ZFR2: variants seen among roughly 807,000 people sequenced by gnomAD.
ZFR2 encodes zinc finger RNA-binding protein 2.
A neutral mutation model predicts 105.7 loss-of-function variants in ZFR2; 104 were observed. That is an observed-to-expected ratio of 0.98 (90% CI 0.84 to 1.16). The LOEUF is 1.16. Among genes scored for constraint, ZFR2 ranks in the 50% most tolerant of loss-of-function variants. The pLI, the probability that ZFR2 is intolerant of heterozygous loss-of-function variation, is 0.00. For synonymous variants in ZFR2, 634 were observed against 597.7 expected (o/e 1.06, Z -0.89); for missense variants, 1,425 against 1,355.5 (o/e 1.05, Z -0.80).
In ZFR2 at chr19:3,868,862, C is replaced by G. The variant is rs1246387117; in HGVS notation, c.53+103G>C. On this transcript the variant is annotated intron_variant, in intron 1 of 18. Transcript: ENST00000262961. ...CCGGGGTTCCAGGTTGGGGCTGGGA[C>G]TGGGGCCGGGCCGGGCGCACGCGGC... The G allele has an allele frequency of 7.0e-6, 7 of 1,001,768 alleles. No individual in the cohort carries two copies. The East Asian group carries it at 1.0e-4, about 14-fold the overall frequency. The allele number at this position is 1,001,768 out of a possible 1,614,324, so 62.1% of individuals were successfully genotyped here.
At chr19:3,828,791 CT>C (rs1032437240) in intron 5 of ZFR2, among the ~76,000 whole-genome samples, 1 of 152,138 alleles carries the variant, frequency 6.6e-6, no homozygotes, top group Non-Finnish European at 1.5e-5. Flanking sequence ...ATTCTGCAGA[CT>C]GAAAAATGCC....
intron 3 of ZFR2, 39 bp downstream of exon 3, chr19:3,833,625 G>A (rs138218800): frequency 0.013 from 19,417 of 1,455,928 alleles, 269 homozygotes; most frequent in South Asian, 0.052. Context: ...TGCGGGGAGC[G>A]TCTCCTCGTT....
intron 11 of ZFR2, 42 bp downstream of exon 11, chr19:3,820,140 G>A (rs1463880429): frequency 1.3e-6 from 2 of 1,539,318 alleles, no homozygotes; most frequent in Non-Finnish European, 1.8e-6. Context: ...TCCGGGGAGT[G>A]TGAGGTCGCC....
chr19:3,840,959 G>A lies in ZFR2; in HGVS notation c.54-5976C>T, dbSNP rs111341709. On this transcript the variant is annotated intron_variant, in intron 1 of 18. Transcript: ENST00000262961. ...GGGGGCCAGCATGGATCTAGGTCAC[G>A]CCGGTCACTGCACAGATCACACACA... is the stretch of plus-strand genomic sequence containing the variant. Among the ~76,000 whole-genome samples the A allele has an allele frequency of 1.9e-3, 284 of 152,268 alleles. 1 individual carries two copies. The highest frequency in any genetic ancestry group is 6.6e-3 in the African/African-American group (274 of 41,534).
At chr19:3,866,926 C>T (rs934426752) in intron 1 of ZFR2, among the ~76,000 whole-genome samples, 2 of 152,294 alleles carry the variant, frequency 1.3e-5, no homozygotes, top group African/African-American at 4.8e-5. Flanking sequence ...AATACTCCAC[C>T]AGAGAAACCA....
At chr19:3,811,164 G>A (rs1398200887) in intron 15 of ZFR2, 108 bp downstream of exon 15, 35 of 1,117,150 alleles carry the variant, frequency 3.1e-5, no homozygotes, top group African/African-American at 6.4e-5. Context: ...CCCGGTCTGC[G>A]CTGGGAGCCC....
chr19:3,809,088 T>C lies in ZFR2; in HGVS notation c.2434-105A>G, dbSNP rs2037734752. On this transcript the variant is annotated intron_variant, in intron 16 of 18. Transcript: ENST00000262961. The stretch of plus-strand genomic sequence containing the variant: ...GGACAGGAGGCCCCCCTCAGCTCTT[T>C]CTCTAACTCCCACCACCCACTGAAC... 6.1e-6 allele frequency: 5 copies of C among 820,296 alleles called. No homozygotes were observed. In the East Asian group the frequency reaches 1.6e-4, roughly 26 times the overall value. The allele number at this position is 820,296 out of a possible 1,614,324, so 50.8% of individuals were successfully genotyped here. A position where few individuals can be genotyped will look rare whatever the true frequency, so the allele number is the denominator to read the frequency against.
chr19:3,856,271 C>T (rs147578289), intron 1 of ZFR2, among the ~76,000 whole-genome samples: 4 of 152,284 alleles, frequency 2.6e-5, no homozygotes, highest in Admixed American at 2.6e-4. Context: ...ATATGATCAG[C>T]CTGAGATGCC....
chr19:3,864,891 G>T (rs1006823726), intron 1 of ZFR2, among the ~76,000 whole-genome samples: 8 of 152,134 alleles, frequency 5.3e-5, no homozygotes, highest in African/African-American at 1.9e-4. Context: ...AGGATTACAG[G>T]CATGCGTCAC....
chr19:3,831,492 C>A lies in ZFR2; in HGVS notation c.663G>T (p.Ala221=). Residue 221 remains alanine (A), a synonymous_variant, in exon 5 of 19, where the codon GCG becomes GCT. Transcript: ENST00000262961. ...YSAASPFYPP[A]QPPPPPGPPQ... Reference sequence around the variant, plus strand: ...GGGGTCCCGGGGGAGGCGGGGGCTGCGCTGGAGGATAGAAAGGGCTGGCAG... The same window carrying A: ...GGGGTCCCGGGGGAGGCGGGGGCTGAGCTGGAGGATAGAAAGGGCTGGCAG... 1 of 1,550,994 alleles carries A rather than the reference C, an allele frequency of 6.4e-7. No individual in the cohort carries two copies. The highest frequency in any genetic ancestry group is 8.7e-7 in the Non-Finnish European group (1 of 1,147,746).
Position 3,805,248 on chromosome 19 carries a change from T to A in ZFR2, c.*701A>T, listed in dbSNP as rs950112129. On this transcript the variant is annotated 3_prime_UTR_variant, in exon 19 of 19. Transcript: ENST00000262961. ...CAGCAAGATGCCCCCGAGTTTAGAATCTGCTTGCTGTACTGCTGGCCCCCC... is the reference window on the plus strand; with the variant it reads ...CAGCAAGATGCCCCCGAGTTTAGAAACTGCTTGCTGTACTGCTGGCCCCCC... 2 of 152,230 alleles carry A rather than the reference T, an allele frequency of 1.3e-5. No individual in the cohort carries two copies. The highest frequency in any genetic ancestry group is 2.1e-4 in the South Asian group (1 of 4,828). 9.4% of individuals were successfully genotyped at this position (152,230 alleles called of 1,614,324 possible). A position where few individuals can be genotyped will look rare whatever the true frequency, so the allele number is the denominator to read the frequency against.
Position 3,805,607 on chromosome 19 carries a change from T to A in ZFR2, c.*342A>T, listed in dbSNP as rs940404215. On this transcript the variant is annotated 3_prime_UTR_variant, in exon 19 of 19. Transcript: ENST00000262961. ...CTCAGGCGATCTGCCCACCTCGGCCTCTCAAAGTGCTGGGATTACAGGCGT... is the reference window on the plus strand; with the variant it reads ...CTCAGGCGATCTGCCCACCTCGGCCACTCAAAGTGCTGGGATTACAGGCGT... 3 of 214,274 alleles carry A rather than the reference T, an allele frequency of 1.4e-5. No individual in the cohort carries two copies. Among genetic ancestry groups the A allele is most frequent in the Admixed American group, 1.1e-4 (2 of 17,824 alleles). The allele number at this position is 214,274 out of a possible 1,614,324, so 13.3% of individuals were successfully genotyped here.
intron 1 of ZFR2, among the ~76,000 whole-genome samples, chr19:3,842,333 A>C (rs1202974084): frequency 1.3e-5 from 2 of 152,152 alleles, no homozygotes; most frequent in African/African-American, 4.8e-5. Flanking sequence ...CTACCATAGC[A>C]ACGAGAGACC....
chr19:3,813,544 G>A lies in ZFR2; in HGVS notation c.2242+276C>T, dbSNP rs1357233459. On this transcript the variant is annotated intron_variant, in intron 14 of 18. Transcript: ENST00000262961. This position sits in a 1 kb window ranked among gnomAD's most constrained non-coding sequence, Gnocchi z 4.4. Reference sequence around the variant, plus strand: ...AAGCAGGTGCCAGCCCTGGGTAAGGGCAAGGGAGGTGACACGGTGTCGCTT... The same window carrying A: ...AAGCAGGTGCCAGCCCTGGGTAAGGACAAGGGAGGTGACACGGTGTCGCTT... Among the ~76,000 whole-genome samples, 1 of 152,010 alleles carries A rather than the reference G, an allele frequency of 6.6e-6. No individual in the cohort carries two copies. Among genetic ancestry groups the A allele is most frequent in the Admixed American group, 6.5e-5 (1 of 15,276 alleles).
chr19:3,821,507 G>A (rs746289392), intron 9 of ZFR2, 28 bp from the exon 10 acceptor site: 1 of 1,538,360 alleles, frequency 6.5e-7, no homozygotes, highest in South Asian at 1.2e-5. Context: ...GGCTCTGAGA[G>A]TAGGGACCTT....
At position 3,825,393 on chromosome 19, in the gene ZFR2, G is replaced by C. The variant is rs1261130562; in HGVS notation, c.1050C>G (p.His350Gln). The C allele has an allele frequency of 1.3e-6, 2 of 1,581,968 alleles. No individual in the cohort carries two copies. Among genetic ancestry groups the C allele is most frequent in the African/African-American group, 1.4e-5 (1 of 74,014 alleles). Residue 350 changes from histidine to glutamine, a missense_variant, in exon 7 of 19, where the codon CAC (histidine) becomes CAG (glutamine). Coordinates refer to ENST00000262961, the MANE Select transcript of ZFR2 (RefSeq NM_015174.2). The part of the protein sequence containing the change: ...GSKHQKVFKL[H>Q]AKLGKPIPTL... ...TGGGAATGGGCTTCCCCAGTTTGGC[G>C]TGCAGCTTGAAGACCTGCAACAGAC... is the stretch of plus-strand genomic sequence containing the variant.
chr19:3,832,083 G>T (rs766894105), intron 3 of ZFR2, among the ~76,000 whole-genome samples: 8 of 152,196 alleles, frequency 5.3e-5, no homozygotes, highest in Admixed American at 2.6e-4. Flanking sequence ...TCTCTCTCCT[G>T]CCATGGGGGA....
chr19:3,829,465 T>C (rs1037613910), intron 5 of ZFR2, among the ~76,000 whole-genome samples: 9 of 151,884 alleles, frequency 5.9e-5, no homozygotes, highest in Non-Finnish European at 8.8e-5. Context: ...TGTGTGTGTG[T>C]GTGTGTGTGT....
At chr19:3,833,536 A>G in intron 3 of ZFR2, 128 bp downstream of exon 3, 1 of 696,528 alleles carries the variant, frequency 1.4e-6, no homozygotes. Flanking sequence ...AGATCGCACC[A>G]CTGCACTCCA....
Sources: gnomAD v4.1 joint callset for allele counts (sites outside exome capture counted in the v4.1 genomes callset) on GRCh38, gnomAD v4.1.1 for gene constraint, Gnocchi (gnomAD v3.1) non-coding constraint, MANE v1.5 for transcripts, NCBI Gene and HGNC (gene_info 2026-07-23, HGNC 2026-07-21) for gene names.